Variants in KRT34 observed in about 807,000 individuals in gnomAD.
KRT34 encodes keratin, type I cuticular Ha4.
In KRT34, 31 loss-of-function variants were observed where a neutral mutation model predicts 41.7. The ratio of observed to expected loss-of-function variants is 0.74; its 90% CI spans 0.56 to 1.00. The LOEUF (loss-of-function observed/expected upper bound fraction) is 1.00, where lower values mean the gene tolerates loss of function less well. KRT34 is among the 50% of genes least tolerant of loss of function. KRT34 has a pLI of 0.00. For synonymous variants in KRT34, 224 were observed against 212.9 expected (o/e 1.05, Z -0.45); for missense variants, 523 against 500.3 (o/e 1.05, Z -0.43).
At position 41,377,915 on chromosome 17, in the gene KRT34, G is replaced by A. The variant is rs1489956067; in HGVS notation, c.*144C>T. The A allele has an allele frequency of 1.6e-6, 1 of 623,316 alleles. No individual in the cohort carries two copies. Among genetic ancestry groups the A allele is most frequent in the Non-Finnish European group, 2.9e-6 (1 of 344,978 alleles). 38.6% of individuals were successfully genotyped at this position (623,316 alleles called of 1,614,324 possible). On this transcript the variant is annotated 3_prime_UTR_variant, in exon 7 of 7. Transcript: ENST00000394001. The stretch of plus-strand genomic sequence containing the variant: ...GTGTGTCTTTGCTTGGGTCAGGAAA[G>A]CTTTTCAGCATTCTAGAAATAACAT...
chr17:41,378,836 G>A, intron 6 of KRT34, 120 bp downstream of exon 6: 2 of 1,373,836 alleles, frequency 1.5e-6, no homozygotes. Flanking sequence ...ACAGATCACT[G>A]GACACATGCT....
In KRT34 at chr17:41,381,096, A is replaced by AGGGACTCCACCT; in HGVS notation, c.536_547dup (p.Gln179_Ser182dup). On this transcript the variant is annotated inframe_insertion, in exon 3 of 7. Coordinates refer to ENST00000394001, the MANE Select transcript of KRT34 (RefSeq NM_001386014.1). ...CTTCAAGCAGATCAGCTCCTCCCTC[A>AGGGACTCCACCT]GGGACTCCACCTGGGACTCCAGGTC... The AGGGACTCCACCT allele has an allele frequency of 6.2e-7, 1 of 1,614,074 alleles. No homozygotes were observed. The highest frequency in any genetic ancestry group is 1.1e-5 in the South Asian group (1 of 91,068).
intron 2 of KRT34, 69 bp from the exon 3 acceptor site, chr17:41,381,281 G>A (rs1030090373): frequency 7.3e-6 from 11 of 1,515,556 alleles, no homozygotes; most frequent in Non-Finnish European, 9.9e-6. Context: ...TGTTGTTTGG[G>A]TAGAATTGGC....
In KRT34 at chr17:41,381,687, C is replaced by T. The variant is rs374899064; in HGVS notation, c.431+26G>A. The T allele has an allele frequency of 5.2e-5, 83 of 1,605,374 alleles. 1 individual carries two copies. Among genetic ancestry groups the T allele is most frequent in the Non-Finnish European group, 6.3e-5 (74 of 1,172,178 alleles). On this transcript the variant is annotated intron_variant, in intron 2 of 6. Coordinates refer to ENST00000394001, the MANE Select transcript of KRT34 (RefSeq NM_001386014.1). ...TAGGTCCCTAGGGCCATGAAAGAAC[C>T]ATAGGGACCTTGAAGTTCAACATAC...
At chr17:41,382,426 T>C (rs1006865551), upstream of KRT34, 1 of 1,452,156 alleles carries the variant, frequency 6.9e-7, no homozygotes, top group African/African-American at 1.4e-5. Context: ...GCTAGTTAGA[T>C]GCTTCTAAAG....
At chr17:41,382,353 G>T, upstream of KRT34, 2 of 1,612,168 alleles carry the variant, frequency 1.2e-6, no homozygotes, top group Middle Eastern at 1.9e-4. Flanking sequence ...AATTGTGGGT[G>T]GGGGCTTGGC....
rs2017922039 is a variant in KRT34, at chr17:41,379,341, A to C, written c.876+12T>G. The C allele has an allele frequency of 1.2e-6, 2 of 1,613,188 alleles. No homozygotes were observed. Among genetic ancestry groups the C allele is most frequent in the African/African-American group, 2.7e-5 (2 of 75,024 alleles). ...TTCCCATCGCTCACCAGCAGGTCTG[A>C]ACAATACACACCAGGTTGTGCTGGG... On this transcript the variant is annotated intron_variant, in intron 5 of 6. Transcript: ENST00000394001.
chr17:41,378,391 G>C (rs1285596420), intron 6 of KRT34, among the ~76,000 whole-genome samples: 3 of 152,144 alleles, frequency 2.0e-5, no homozygotes, highest in Non-Finnish European at 4.4e-5. Flanking sequence ...CCAGGTTCAA[G>C]CGATTCTCCT....
upstream of KRT34, among the ~76,000 whole-genome samples, chr17:41,383,089 G>T (rs187757217): frequency 6.6e-6 from 1 of 150,528 alleles, no homozygotes; most frequent in Admixed American, 6.6e-5. Context: ...GCACGATCTC[G>T]GCTCACTGCA....
In KRT34 at chr17:41,381,879, C is replaced by G. The variant is rs779430132; in HGVS notation, c.348+20G>C. The G allele has an allele frequency of 2.5e-6, 4 of 1,613,232 alleles. No homozygotes were observed. Among genetic ancestry groups the G allele is most frequent in the South Asian group, 2.2e-5 (2 of 91,076 alleles). The stretch of plus-strand genomic sequence containing the variant: ...AGAGAGCCAGCTGCTGCTGGCCCCC[C>G]ATATGGCCAACCCCCTCACCTTCTG... On this transcript the variant is annotated intron_variant, in intron 1 of 6. Transcript: ENST00000394001.
intron 3 of KRT34, among the ~76,000 whole-genome samples, chr17:41,380,390 CA>C (rs1250197939): frequency 6.6e-6 from 1 of 152,232 alleles, no homozygotes; most frequent in Non-Finnish European, 1.5e-5. Flanking sequence ...ACACCTTCTA[CA>C]AGACTAAGTC....
At chr17:41,381,593 A>G in intron 2 of KRT34, 120 bp downstream of exon 2, 1 of 885,942 alleles carries the variant, frequency 1.1e-6, no homozygotes, top group Middle Eastern at 2.5e-4. Flanking sequence ...ATTTGAAACT[A>G]ATTTTACATA....
chr17:41,378,787 G>A (rs1283623644), intron 6 of KRT34, among the ~76,000 whole-genome samples, 169 bp downstream of exon 6: 1 of 152,214 alleles, frequency 6.6e-6, no homozygotes, highest in Non-Finnish European at 1.5e-5. Flanking sequence ...TGAGATAGGG[G>A]CTGTTCCCTT....
In KRT34 at chr17:41,377,783, C is replaced by A; in HGVS notation, c.*276G>T. The A allele has an allele frequency of 2.3e-6, 1 of 432,582 alleles. No individual in the cohort carries two copies. Among genetic ancestry groups the A allele is most frequent in the Non-Finnish European group, 4.1e-6 (1 of 241,142 alleles). 26.8% of individuals were successfully genotyped at this position (432,582 alleles called of 1,614,324 possible). A position where few individuals can be genotyped will look rare whatever the true frequency, so the allele number is the denominator to read the frequency against. The stretch of plus-strand genomic sequence containing the variant: ...ATGCAGTAGTACGTTCAGGAAACAC[C>A]TTAAGTAGTAACTGGAGCTCAGATT... On this transcript the variant is annotated 3_prime_UTR_variant, in exon 7 of 7. Transcript: ENST00000394001.
rs748366260 is a variant in KRT34, at chr17:41,379,563, T to G, written c.750+7A>C. 1.2e-6 allele frequency: 2 copies of G among 1,613,936 alleles called. No homozygotes were observed. Among genetic ancestry groups the G allele is most frequent in the Admixed American group, 3.3e-5 (2 of 60,018 alleles). On this transcript the variant is annotated splice_region_variant and intron_variant, in intron 4 of 6. Transcript: ENST00000394001. ...GGTCCTGAGTGGCCATGTGCTTAGATGCCCACCTGCGTGGCGAACCATTGC... is the reference window on the plus strand; with the variant it reads ...GGTCCTGAGTGGCCATGTGCTTAGAGGCCCACCTGCGTGGCGAACCATTGC...
At chr17:41,380,932 T>C in intron 3 of KRT34, 124 bp downstream of exon 3, 1 of 939,540 alleles carries the variant, frequency 1.1e-6, no homozygotes, top group Non-Finnish European at 1.7e-6. Flanking sequence ...ACCGTCACTC[T>C]CTGAGAACAT....
chr17:41,383,193 G>A (rs370134578), upstream of KRT34, among the ~76,000 whole-genome samples: 1 of 151,952 alleles, frequency 6.6e-6, no homozygotes, highest in Admixed American at 6.5e-5. Flanking sequence ...TAATTTTTGT[G>A]TTTTTAGCAG....
In KRT34 at chr17:41,381,199, G is replaced by A; in HGVS notation, c.445C>T (p.Gln149Ter). 1 of 1,614,058 alleles carries A rather than the reference G, an allele frequency of 6.2e-7. No individual in the cohort carries two copies. Among genetic ancestry groups the A allele is most frequent in the South Asian group, 1.1e-5 (1 of 91,058 alleles). The change falls in exon 3 of 7, where the codon CAG (glutamine) becomes TAG (stop). Residue 149 changes from glutamine (Q) to a stop codon, truncating the protein, a stop_gained. Transcript: ENST00000394001. LOFTEE classifies it high-confidence loss of function. ...GACTCCACCAACAGCCTCAGGGACTGCTCCGTCTGGTACCTGCACGTGTCG... is the reference window on the plus strand; with the variant it reads ...GACTCCACCAACAGCCTCAGGGACTACTCCGTCTGGTACCTGCACGTGTCG... Reference protein sequence around the residue: ...DDFRSKYQTEQSLRLLVESDI... With the variant: ...DDFRSKYQTE
chr17:41,381,184 A>G lies in KRT34; in HGVS notation c.460T>C (p.Leu154=), dbSNP rs749211463. The change falls in exon 3 of 7, where the codon TTG becomes CTG. Residue 154 remains leucine, a synonymous_variant. Transcript: ENST00000394001. ...KYQTEQSLRL[L]VESDINSIRR... ...ATGCTGTTGATGTCCGACTCCACCA[A>G]CAGCCTCAGGGACTGCTCCGTCTGG... is the stretch of plus-strand genomic sequence containing the variant. The G allele has an allele frequency of 1.2e-6, 2 of 1,614,096 alleles. No homozygotes were observed. The highest frequency in any genetic ancestry group is 1.1e-5 in the South Asian group (1 of 91,070).
Sources: gnomAD v4.1 joint callset for allele counts (sites outside exome capture counted in the v4.1 genomes callset) on GRCh38, gnomAD v4.1.1 for gene constraint, MANE v1.5 for transcripts, NCBI Gene and HGNC (gene_info 2026-07-23, HGNC 2026-07-21) for gene names.